Variants in IFT122 observed in about 807,000 individuals in gnomAD.
IFT122 encodes the protein intraflagellar transport 122, also known as intraflagellar transport protein 122 homolog.
A neutral mutation model predicts 161.6 loss-of-function variants in IFT122; 118 were observed. That is an observed-to-expected ratio of 0.73 (90% confidence interval 0.63 to 0.85). The LOEUF (loss-of-function observed/expected upper bound fraction) is 0.85. IFT122 is among the 40% of genes least tolerant of loss of function. The pLI is 0.00. For missense variants in IFT122, 1,381 were observed against 1,579.6 expected (o/e 0.87, Z 2.13); for synonymous variants, 550 against 602.4 (o/e 0.91, Z 1.27).
At chr3:129,496,918 C>T (rs1485049303) in intron 18 of IFT122, among the ~76,000 whole-genome samples, 1 of 152,122 alleles carries the variant, frequency 6.6e-6, no homozygotes, top group Non-Finnish European at 1.5e-5. Flanking sequence ...GGATCAAGAC[C>T]CTAGAGGTAG....
At chr3:129,447,998 C>T (rs1434084424) in intron 1 of IFT122, among the ~76,000 whole-genome samples, 1 of 152,156 alleles carries the variant, frequency 6.6e-6, no homozygotes, top group African/African-American at 2.4e-5. Context: ...TTGTTTTACA[C>T]TTGTTATTTC....
intron 16 of IFT122, among the ~76,000 whole-genome samples, chr3:129,489,566 C>T (rs1486281832): frequency 6.6e-6 from 1 of 151,930 alleles, no homozygotes; most frequent in Non-Finnish European, 1.5e-5. Flanking sequence ...GGGCCAGGCG[C>T]GGTGGCTCAC....
intron 20 of IFT122, among the ~76,000 whole-genome samples, chr3:129,503,655 C>G (rs2081877930): frequency 6.6e-6 from 1 of 152,134 alleles, no homozygotes; most frequent in Non-Finnish European, 1.5e-5. Context: ...GTTGTCTGCT[C>G]TCTGAACAGC....
chr3:129,456,047 T>G (rs1482972508), intron 3 of IFT122: 5 of 454,928 alleles, frequency 1.1e-5, no homozygotes, highest in African/African-American at 1.0e-4. Flanking sequence ...CACATGTACA[T>G]ACACTCATTT....
chr3:129,466,970 C>G lies in IFT122; in HGVS notation c.644C>G (p.Pro215Arg). The change falls in exon 8 of 30, where the codon CCT becomes CGT. Residue 215 changes from proline to arginine, a missense_variant. Coordinates refer to ENST00000348417, the MANE Select transcript of IFT122 (RefSeq NM_052989.3). The part of the protein sequence containing the change: ...VIVNRYIQEI[P>R]STLKSAVYSS... Reference sequence around the variant, plus strand: ...GTCAACAGATATATTCAGGAAATCCCTTCCACTCTGAAGTCAGCAGTGTAC... The same window carrying G: ...GTCAACAGATATATTCAGGAAATCCGTTCCACTCTGAAGTCAGCAGTGTAC... The G allele has an allele frequency of 6.2e-7, 1 of 1,614,156 alleles. No individual in the cohort carries two copies. The highest frequency in any genetic ancestry group is 8.5e-7 in the Non-Finnish European group (1 of 1,179,952).
intron 21 of IFT122, among the ~76,000 whole-genome samples, chr3:129,505,751 A>G (rs2082129149): frequency 6.6e-6 from 1 of 152,204 alleles, no homozygotes; most frequent in Non-Finnish European, 1.5e-5. Flanking sequence ...ACAGTATAGG[A>G]ACGATTGAGA....
chr3:129,458,818 A>T, intron 4 of IFT122, 141 bp downstream of exon 4: 2 of 714,374 alleles, frequency 2.8e-6, no homozygotes, highest in South Asian at 3.0e-5. Context: ...TGTGGTTGGT[A>T]TAGGAAGGTT....
At chr3:129,467,778 C>T (rs1390118331) in intron 8 of IFT122, among the ~76,000 whole-genome samples, 5 of 152,304 alleles carry the variant, frequency 3.3e-5, no homozygotes, top group Non-Finnish European at 7.3e-5. Flanking sequence ...TGAGACTTTC[C>T]AAACTGTTTT....
chr3:129,487,817 G>T lies in IFT122; in HGVS notation c.1852-440G>T, dbSNP rs1227580064. 4.1e-5 allele frequency: 13 copies of T among 316,474 alleles called. No homozygotes were observed. In the East Asian group the frequency reaches 1.1e-3, roughly 26 times the overall value. The allele number at this position is 316,474 out of a possible 1,614,324, so 19.6% of individuals were successfully genotyped here. A position where few individuals can be genotyped will look rare whatever the true frequency, so the allele number is the denominator to read the frequency against. Reference sequence around the variant, plus strand: ...TAACTGCGGCACAACCTGCGATCTGGACAAAGGGCAGAGGAAGCTGAGACT... The same window carrying T: ...TAACTGCGGCACAACCTGCGATCTGTACAAAGGGCAGAGGAAGCTGAGACT... On this transcript the variant is annotated intron_variant, in intron 15 of 29. Transcript: ENST00000348417.
intron 16 of IFT122, 68 bp downstream of exon 16, chr3:129,488,465 C>T: frequency 1.2e-6 from 2 of 1,605,960 alleles, no homozygotes; most frequent in Non-Finnish European, 1.7e-6. Context: ...CAGATGGGGA[C>T]CCAGGTGGCA....
intron 26 of IFT122, among the ~76,000 whole-genome samples, chr3:129,516,756 G>T (rs1336192457): frequency 9.6e-6 from 1 of 104,242 alleles, no homozygotes; most frequent in Non-Finnish European, 1.8e-5. Context: ...CACACACACA[G>T]ACTGCCCCTG....
At chr3:129,517,316 C>T (rs2084084829) in intron 26 of IFT122, among the ~76,000 whole-genome samples, 153 bp from the exon 27 acceptor site, 1 of 151,628 alleles carries the variant, frequency 6.6e-6, no homozygotes, top group Non-Finnish European at 1.5e-5. Context: ...ACTGCTCCTG[C>T]ACACACATAC....
At chr3:129,464,134 A>G (rs1333142565) in intron 6 of IFT122, among the ~76,000 whole-genome samples, 1 of 152,244 alleles carries the variant, frequency 6.6e-6, no homozygotes, top group African/African-American at 2.4e-5. Context: ...TAAAGCGTGC[A>G]GGACAGTACC....
intron 20 of IFT122, among the ~76,000 whole-genome samples, chr3:129,503,584 C>G (rs2081865988): frequency 6.6e-6 from 1 of 152,098 alleles, no homozygotes. Flanking sequence ...CTCACCCACC[C>G]ACCCATCATG....
chr3:129,505,005 CAGCGT>C (rs1054705579), intron 21 of IFT122, among the ~76,000 whole-genome samples: 4 of 152,198 alleles, frequency 2.6e-5, no homozygotes, highest in African/African-American at 9.7e-5. Flanking sequence ...GGGCTGCACA[CAGCGT>C]ACAACAGCAT....
intron 8 of IFT122, 46 bp downstream of exon 8, chr3:129,467,112 GC>G: frequency 1.9e-6 from 3 of 1,569,304 alleles, no homozygotes; most frequent in African/African-American, 2.7e-5. Flanking sequence ...AAGGGCCCAG[GC>G]CCCACACAGA....
chr3:129,500,400 C>T lies in IFT122; in HGVS notation c.2375+332C>T, dbSNP rs149152354. 4.0e-3 allele frequency among the ~76,000 whole-genome samples: 606 copies of T among 152,336 alleles called. 2 individuals carry two copies. Among genetic ancestry groups the T allele is most frequent in the African/African-American group, 0.013 (549 of 41,580 alleles). Reference sequence around the variant, plus strand: ...TATGCCATCAGGGCTGGTGTCTCCTCGCCCACCTTGCAGATGATGAAACAG... The same window carrying T: ...TATGCCATCAGGGCTGGTGTCTCCTTGCCCACCTTGCAGATGATGAAACAG... On this transcript the variant is annotated intron_variant, in intron 19 of 29. Coordinates refer to ENST00000348417, the MANE Select transcript of IFT122 (RefSeq NM_052989.3).
intron 20 of IFT122, 144 bp from the exon 21 acceptor site, chr3:129,504,175 G>A: frequency 1.4e-6 from 1 of 695,910 alleles, no homozygotes; most frequent in Non-Finnish European, 2.6e-6. Context: ...ATTTCTGTGG[G>A]TAGTTTTTTG....
chr3:129,454,593 G>T lies in IFT122; in HGVS notation c.193+2595G>T, dbSNP rs141397640. On this transcript the variant is annotated intron_variant, in intron 3 of 29. Transcript: ENST00000348417. ...TTCAAGTTCAGAATAATGTTTTAGG[G>T]AGACCTGTGAGGAGGGAGCCTGGAG... Among the ~76,000 whole-genome samples the T allele has an allele frequency of 1.5e-4, 22 of 149,958 alleles. No individual in the cohort carries two copies. The East Asian group carries it at 3.4e-3, about 23-fold the overall frequency.
Sources: gnomAD v4.1 joint callset for allele counts (sites outside exome capture counted in the v4.1 genomes callset) on GRCh38, gnomAD v4.1.1 for gene constraint, MANE v1.5 for transcripts, NCBI Gene and HGNC (gene_info 2026-07-23, HGNC 2026-07-21) for gene names.